TACR1: variants seen among roughly 807,000 people sequenced by gnomAD.
TACR1 encodes tachykinin receptor 1.
In TACR1, 25 loss-of-function variants were observed where a neutral mutation model predicts 35.8. The ratio of observed to expected loss-of-function variants is 0.70; its 90% CI spans 0.51 to 0.98. The LOEUF (loss-of-function observed/expected upper bound fraction) is 0.98, where lower values mean the gene tolerates loss of function less well. TACR1 is among the 50% of genes least tolerant of loss of function. TACR1 has a pLI of 0.00. For synonymous variants in TACR1, 195 were observed against 206.7 expected, an observed-to-expected ratio of 0.94 and a Z score of 0.48; for missense variants, 478 against 522.9, an observed-to-expected ratio of 0.91 and a Z score of 0.84.
Position 75,049,234 on chromosome 2 carries a change from A to C in TACR1, c.*198T>G, listed in dbSNP as rs551081878. On this transcript the variant is annotated 3_prime_UTR_variant, in exon 5 of 5. Coordinates refer to ENST00000305249, the MANE Select transcript of TACR1 (RefSeq NM_001058.4). ...TTCAGTGATTTGGTTTGAGTCACACAGCATGAGGGTGGCAAAGATAGGGAA... is the reference window on the plus strand; with the variant it reads ...TTCAGTGATTTGGTTTGAGTCACACCGCATGAGGGTGGCAAAGATAGGGAA... The C allele has an allele frequency of 3.3e-6, 2 of 613,212 alleles. No individual in the cohort carries two copies. The highest frequency in any genetic ancestry group is 3.7e-5 in the African/African-American group (2 of 54,358). The allele number at this position is 613,212 out of a possible 1,614,324, so 38.0% of individuals were successfully genotyped here.
intron 1 of TACR1, among the ~76,000 whole-genome samples, chr2:75,136,466 A>G (rs1674292462): frequency 6.6e-6 from 1 of 152,158 alleles, no homozygotes; most frequent in African/African-American, 2.4e-5. Context: ...TCACCTCTTC[A>G]TTGAGTCTTA....
At chr2:75,160,042 A>G (rs1245618079) in intron 1 of TACR1, among the ~76,000 whole-genome samples, 1 of 152,236 alleles carries the variant, frequency 6.6e-6, no homozygotes, top group Admixed American at 6.5e-5. Flanking sequence ...ACTTTAAGAC[A>G]GCAAAAGATG....
At chr2:75,146,053 C>A (rs1385677262) in intron 1 of TACR1, among the ~76,000 whole-genome samples, 1 of 151,996 alleles carries the variant, frequency 6.6e-6, no homozygotes, top group African/African-American at 2.4e-5. Flanking sequence ...ACAGAGCGGG[C>A]AGTAAAGGAG....
chr2:75,148,417 T>C (rs1300493044), intron 1 of TACR1, among the ~76,000 whole-genome samples: 1 of 152,364 alleles, frequency 6.6e-6, no homozygotes, highest in East Asian at 1.9e-4. Context: ...CCATCCTGAC[T>C]GACCTGAGAT....
chr2:75,092,304 A>G (rs1313445824), intron 2 of TACR1, among the ~76,000 whole-genome samples: 2 of 152,096 alleles, frequency 1.3e-5, no homozygotes, highest in African/African-American at 4.8e-5. Flanking sequence ...ATTATGCAGA[A>G]TGCAACACCA....
chr2:75,061,714 G>A (rs778382217), intron 2 of TACR1, among the ~76,000 whole-genome samples: 8 of 152,266 alleles, frequency 5.3e-5, no homozygotes, highest in African/African-American at 1.7e-4. Flanking sequence ...ATGCTCAAGC[G>A]CATGCACTTA....
intron 1 of TACR1, among the ~76,000 whole-genome samples, chr2:75,148,453 G>T (rs1674596571): frequency 6.6e-6 from 1 of 152,138 alleles, no homozygotes; most frequent in African/African-American, 2.4e-5. Context: ...TTTTTGATTT[G>T]CATTTCTCTA....
chr2:75,116,143 C>A (rs1177536557), intron 2 of TACR1, among the ~76,000 whole-genome samples: 1 of 152,050 alleles, frequency 6.6e-6, no homozygotes, highest in Non-Finnish European at 1.5e-5. Flanking sequence ...TTCACTCTGT[C>A]ACCCAGGCTG....
intron 1 of TACR1, among the ~76,000 whole-genome samples, chr2:75,123,638 A>G (rs1674015813): frequency 6.6e-6 from 1 of 152,204 alleles, no homozygotes; most frequent in Admixed American, 6.5e-5. Flanking sequence ...GCTTTAAAAA[A>G]TGTATATATG....
At chr2:75,102,675 T>G (rs969982912) in intron 2 of TACR1, among the ~76,000 whole-genome samples, 4 of 152,060 alleles carry the variant, frequency 2.6e-5, no homozygotes, top group African/African-American at 4.8e-5. Flanking sequence ...AGAAAAAAAA[T>G]TATTTATATA....
At chr2:75,162,585 T>C (rs1257873964) in intron 1 of TACR1, among the ~76,000 whole-genome samples, 2 of 152,240 alleles carry the variant, frequency 1.3e-5, no homozygotes, top group African/African-American at 4.8e-5. Flanking sequence ...ATAGATCTAT[T>C]TGAGTTCTGT....
At chr2:75,118,049 C>G (rs1350059063) in intron 2 of TACR1, among the ~76,000 whole-genome samples, 1 of 152,134 alleles carries the variant, frequency 6.6e-6, no homozygotes, top group Non-Finnish European at 1.5e-5. Flanking sequence ...CATCTAACTC[C>G]AAAACACACA....
chr2:75,167,218 G>A (rs1202621212), intron 1 of TACR1, among the ~76,000 whole-genome samples: 2 of 152,122 alleles, frequency 1.3e-5, no homozygotes, highest in Non-Finnish European at 2.9e-5. Context: ...ATCCCCCAAT[G>A]TTTTTATATT....
At chr2:75,170,011 T>C (rs561797313) in intron 1 of TACR1, among the ~76,000 whole-genome samples, 1 of 152,354 alleles carries the variant, frequency 6.6e-6, no homozygotes, top group Non-Finnish European at 1.5e-5. Context: ...TCCTTTCTCT[T>C]AGCCAGACCC....
chr2:75,097,432 A>G (rs1673445758), intron 2 of TACR1, among the ~76,000 whole-genome samples: 1 of 151,688 alleles, frequency 6.6e-6, no homozygotes, highest in African/African-American at 2.4e-5. Flanking sequence ...TGTAAAGTAC[A>G]TAAGTATTTG....
At chr2:75,152,884 C>T (rs1238793244) in intron 1 of TACR1, among the ~76,000 whole-genome samples, 1 of 152,124 alleles carries the variant, frequency 6.6e-6, no homozygotes, top group Non-Finnish European at 1.5e-5. Flanking sequence ...AAAGATGGGG[C>T]CAAGACTTCT....
chr2:75,139,413 T>G (rs1558566179), intron 1 of TACR1, among the ~76,000 whole-genome samples: 2 of 152,196 alleles, frequency 1.3e-5, no homozygotes, highest in South Asian at 4.1e-4. Flanking sequence ...CTTTAGCATC[T>G]GCAATTTTTT....
At chr2:75,099,384 C>T (rs1376372268) in intron 2 of TACR1, among the ~76,000 whole-genome samples, 1 of 152,234 alleles carries the variant, frequency 6.6e-6, no homozygotes, top group Non-Finnish European at 1.5e-5. Flanking sequence ...AGTACCTCTG[C>T]TGTTACAATT....
intron 2 of TACR1, among the ~76,000 whole-genome samples, chr2:75,119,687 C>G (rs1673927384): frequency 6.6e-6 from 1 of 152,222 alleles, no homozygotes; most frequent in Admixed American, 6.5e-5. Context: ...TATGTCTGCC[C>G]TGTCAGGGAC....
Sources: gnomAD v4.1 joint callset for allele counts (sites outside exome capture counted in the v4.1 genomes callset) on GRCh38, gnomAD v4.1.1 for gene constraint, MANE v1.5 for transcripts, NCBI Gene and HGNC (gene_info 2026-07-23, HGNC 2026-07-21) for gene names.